STXBP6: variants seen among roughly 807,000 people sequenced by gnomAD.
STXBP6 encodes the protein syntaxin-binding protein 6.
STXBP6 carries 21 observed loss-of-function variants against 26.9 expected under a neutral mutation model. The ratio of observed to expected loss-of-function variants is 0.78; its 90% CI spans 0.55 to 1.12. STXBP6 has a LOEUF of 1.12. Ranked by LOEUF, STXBP6 falls within the 50% of genes most tolerant of loss-of-function variation. The pLI is 0.00. For synonymous variants in STXBP6, 97 were observed against 92.6 expected, an observed-to-expected ratio of 1.05 and a Z score of -0.27; for missense variants, 232 against 257.9, an observed-to-expected ratio of 0.90 and a Z score of 0.69.
chr14:25,003,962 G>A (rs2057886963), intron 1 of STXBP6, among the ~76,000 whole-genome samples: 1 of 152,308 alleles, frequency 6.6e-6, no homozygotes, highest in East Asian at 1.9e-4. Flanking sequence ...AACATTTATT[G>A]TGCCATACAT....
At chr14:24,983,697 CA>C (rs1220692156) in intron 1 of STXBP6, among the ~76,000 whole-genome samples, 17 of 152,180 alleles carry the variant, frequency 1.1e-4, no homozygotes, top group Admixed American at 1.1e-3. Flanking sequence ...ATAAACTCTC[CA>C]GCAAGCATAA....
intron 4 of STXBP6, among the ~76,000 whole-genome samples, chr14:24,845,735 G>A (rs957698638): frequency 5.9e-5 from 9 of 152,206 alleles, no homozygotes; most frequent in Non-Finnish European, 1.3e-4. Flanking sequence ...TGCATGGTAA[G>A]AGGGACTTTG....
At chr14:24,958,454 A>G (rs1347578137) in intron 2 of STXBP6, among the ~76,000 whole-genome samples, 3 of 152,166 alleles carry the variant, frequency 2.0e-5, no homozygotes, top group Non-Finnish European at 4.4e-5. Flanking sequence ...CACTGACCTC[A>G]ACTTTACAGA....
At position 24,810,947 on chromosome 14, in the gene STXBP6, T is replaced by G. The variant is rs1025335233; in HGVS notation, c.*1762A>C. 6.7e-6 allele frequency: 1 copy of G among 150,284 alleles called. No homozygotes were observed. The highest frequency in any genetic ancestry group is 1.5e-5 in the Non-Finnish European group (1 of 67,762). The allele number at this position is 150,284 out of a possible 1,614,324, so 9.3% of individuals were successfully genotyped here. ...AAACAAAATCTATTTGGAGTGATAT[T>G]TGGGGCTTTTCCTAGAAATTAAAAT... is the stretch of plus-strand genomic sequence containing the variant. On this transcript the variant is annotated 3_prime_UTR_variant, in exon 6 of 6. Coordinates refer to ENST00000323944, the MANE Select transcript of STXBP6 (RefSeq NM_001394410.1).
intron 2 of STXBP6, among the ~76,000 whole-genome samples, chr14:24,950,073 GTCTA>G (rs1401414097): frequency 2.6e-5 from 4 of 152,100 alleles, no homozygotes; most frequent in Non-Finnish European, 5.9e-5. Flanking sequence ...ACTAAATTTA[GTCTA>G]TCTAAAATCT....
intron 1 of STXBP6, among the ~76,000 whole-genome samples, chr14:25,034,871 C>T (rs2075522842): frequency 6.6e-6 from 1 of 152,114 alleles, no homozygotes; most frequent in South Asian, 2.1e-4. Flanking sequence ...AACTTCTTGG[C>T]CGGGTGTGGT....
chr14:25,008,394 G>A (rs1286949044), intron 1 of STXBP6, among the ~76,000 whole-genome samples: 1 of 152,100 alleles, frequency 6.6e-6, no homozygotes, highest in African/African-American at 2.4e-5. Flanking sequence ...TGAAGTGGGA[G>A]GATTGCTTGA....
At chr14:24,816,252 G>A (rs373618641) in intron 5 of STXBP6, 1 of 150,866 alleles carries the variant, frequency 6.6e-6, no homozygotes, top group Non-Finnish European at 1.5e-5. Flanking sequence ...GCTTGTCTAG[G>A]GGGTAGAATG....
chr14:25,049,790 G>A lies in STXBP6; in HGVS notation c.-33+88C>T, dbSNP rs1377862937. 1.0e-6 allele frequency: 1 copy of A among 985,610 alleles called. No homozygotes were observed. The highest frequency in any genetic ancestry group is 1.7e-5 in the African/African-American group (1 of 57,256). The allele number at this position is 985,610 out of a possible 1,614,324, so 61.1% of individuals were successfully genotyped here. The stretch of plus-strand genomic sequence containing the variant: ...GCCACCCGCCTCGGACGGAGCGCCA[G>A]GCGCCCCAACAGCCGTGGCGGCTGC... On this transcript the variant is annotated intron_variant, in intron 1 of 5. Transcript: ENST00000323944. This position sits in a 1 kb window ranked among gnomAD's most constrained non-coding sequence, Gnocchi z 5.6.
At chr14:25,018,215 T>C (rs915207462) in intron 1 of STXBP6, among the ~76,000 whole-genome samples, 12 of 152,180 alleles carry the variant, frequency 7.9e-5, no homozygotes, top group African/African-American at 2.9e-4. Flanking sequence ...ATGCCAGCCA[T>C]TGCCCGTGGC....
At chr14:24,836,859 A>T (rs924075269) in intron 4 of STXBP6, among the ~76,000 whole-genome samples, 1 of 152,168 alleles carries the variant, frequency 6.6e-6, no homozygotes, top group Non-Finnish European at 1.5e-5. Context: ...TTACGGCAGG[A>T]TAGATCTATA....
At chr14:24,828,250 G>A (rs1167031938) in intron 4 of STXBP6, among the ~76,000 whole-genome samples, 1 of 152,080 alleles carries the variant, frequency 6.6e-6, no homozygotes, top group African/African-American at 2.4e-5. Context: ...AAATGAAAAA[G>A]AAAGCAGTTT....
chr14:24,953,891 G>A lies in STXBP6; in HGVS notation c.154+20774C>T, dbSNP rs780979135. ...GAAGAGACCAAGAGCGTGAAGCCAC[G>A]GAGTGCATAAGAAACATTACTTGCT... On this transcript the variant is annotated intron_variant, in intron 2 of 5. Transcript: ENST00000323944. Among the ~76,000 whole-genome samples the A allele has an allele frequency of 3.3e-5, 5 of 152,310 alleles. No homozygotes were observed. In the East Asian group the frequency reaches 5.8e-4, roughly 18 times the overall value.
intron 1 of STXBP6, among the ~76,000 whole-genome samples, chr14:25,012,726 T>C (rs533028011): frequency 2.6e-5 from 4 of 152,336 alleles, no homozygotes; most frequent in African/African-American, 9.6e-5. Flanking sequence ...TGTCTTATTA[T>C]TATGAAAATT....
chr14:25,037,389 G>A (rs2075573884), intron 1 of STXBP6, among the ~76,000 whole-genome samples: 1 of 152,086 alleles, frequency 6.6e-6, no homozygotes, highest in Non-Finnish European at 1.5e-5. Context: ...AGACAGTAAG[G>A]TTTGACTTTT....
intron 4 of STXBP6, among the ~76,000 whole-genome samples, chr14:24,832,981 T>C (rs1345119599): frequency 2.6e-5 from 4 of 152,230 alleles, no homozygotes; most frequent in Non-Finnish European, 5.9e-5. Flanking sequence ...TCTCTTAAAA[T>C]GATGAAACTC....
chr14:25,047,843 T>A (rs1459569120), intron 1 of STXBP6, among the ~76,000 whole-genome samples: 1 of 152,198 alleles, frequency 6.6e-6, no homozygotes. Context: ...AAGGTCACTA[T>A]TAGAGGTCAA....
intron 2 of STXBP6, among the ~76,000 whole-genome samples, chr14:24,897,104 T>G (rs1437312743): frequency 6.6e-6 from 1 of 152,078 alleles, no homozygotes; most frequent in Non-Finnish European, 1.5e-5. Flanking sequence ...ATCCAAAAAG[T>G]GATGGAAACC....
At chr14:24,962,161 G>C (rs911371455) in intron 2 of STXBP6, among the ~76,000 whole-genome samples, 1 of 152,098 alleles carries the variant, frequency 6.6e-6, no homozygotes, top group Non-Finnish European at 1.5e-5. Flanking sequence ...CGTATATAGA[G>C]ATCAAATAAT....
Sources: allele counts gnomAD v4.1 joint callset (sites outside exome capture counted in the v4.1 genomes callset), GRCh38; gene constraint gnomAD v4.1.1; non-coding constraint Gnocchi (gnomAD v3.1); transcripts MANE v1.5; gene names NCBI Gene and HGNC (gene_info 2026-07-23, HGNC 2026-07-21).